The following TRAPPC9 variants were observed in gnomAD, a reference collection of about 807,000 sequenced individuals.
The protein encoded by TRAPPC9 is IKK2 binding protein.
A neutral mutation model predicts 124.0 loss-of-function variants in TRAPPC9; 83 were observed. The ratio of observed to expected loss-of-function variants is 0.67; its 90% confidence interval spans 0.56 to 0.80. The LOEUF is 0.80. Ranked by LOEUF, TRAPPC9 falls within the 30% of genes least tolerant of loss-of-function variation. The pLI, the probability that TRAPPC9 is intolerant of heterozygous loss-of-function variation, is 0.00. For missense variants in TRAPPC9, 1,302 were observed against 1,508.3 expected (o/e 0.86, Z 2.27); for synonymous variants, 638 against 617.5 (o/e 1.03, Z -0.49).
intron 19 of TRAPPC9, among the ~76,000 whole-genome samples, chr8:139,912,693 G>A (rs1367424432): frequency 1.3e-5 from 2 of 152,228 alleles, no homozygotes; most frequent in African/African-American, 4.8e-5. Context: ...CCACTTCACT[G>A]ATGTTTTAAT....
chr8:140,262,869 T>C (rs965738855), intron 15 of TRAPPC9: 2 of 152,304 alleles, frequency 1.3e-5, no homozygotes, highest in African/African-American at 4.8e-5. Flanking sequence ...TAATTAATTC[T>C]ACTTGAAGGG....
intron 21 of TRAPPC9, among the ~76,000 whole-genome samples, chr8:139,808,459 T>C (rs1426869605): frequency 6.6e-6 from 1 of 152,138 alleles, no homozygotes; most frequent in Non-Finnish European, 1.5e-5. Context: ...AGACTCCATT[T>C]CAAAAAAATA....
In TRAPPC9 at chr8:140,457,622, C is replaced by A. The variant is rs1485984638; in HGVS notation, c.-11+17G>T. 1 of 985,702 alleles carries A rather than the reference C, an allele frequency of 1.0e-6. No homozygotes were observed. Among genetic ancestry groups the A allele is most frequent in the African/African-American group, 1.7e-5 (1 of 57,242 alleles). The allele number at this position is 985,702 out of a possible 1,614,324, so 61.1% of individuals were successfully genotyped here. A position where few individuals can be genotyped will look rare whatever the true frequency, so the allele number is the denominator to read the frequency against. ...GTCCGAATTGCCTGACCGGGAGCCC[C>A]CCCGCTTTGCACTTACACAGCCGGT... On this transcript the variant is annotated intron_variant, in intron 1 of 22. Coordinates refer to ENST00000438773, the MANE Select transcript of TRAPPC9 (RefSeq NM_001160372.4).
chr8:139,978,901 TG>T (rs2131648040), intron 19 of TRAPPC9, among the ~76,000 whole-genome samples: 1 of 58,066 alleles, frequency 1.7e-5, no homozygotes, highest in Admixed American at 1.5e-4. Flanking sequence ...CAGAGCACTC[TG>T]GTTTTTTTTC....
At chr8:140,091,140 C>T (rs1211941717) in intron 17 of TRAPPC9, among the ~76,000 whole-genome samples, 6 of 152,140 alleles carry the variant, frequency 3.9e-5, no homozygotes, top group African/African-American at 9.7e-5. Flanking sequence ...CACAGTGAGA[C>T]GCAATAGCTC....
intron 17 of TRAPPC9, among the ~76,000 whole-genome samples, chr8:140,036,370 G>C (rs1365079031): frequency 6.6e-6 from 1 of 152,146 alleles, no homozygotes; most frequent in Non-Finnish European, 1.5e-5. Flanking sequence ...AGTGAACATT[G>C]ACGGTCAGGC....
chr8:140,351,466 G>A (rs2067574393), intron 9 of TRAPPC9, among the ~76,000 whole-genome samples: 1 of 151,954 alleles, frequency 6.6e-6, no homozygotes, highest in Admixed American at 6.5e-5. Context: ...GTAATCTAGA[G>A]ATGGCTTAAA....
At chr8:140,396,076 C>A (rs1179994938) in intron 7 of TRAPPC9, among the ~76,000 whole-genome samples, 1 of 151,992 alleles carries the variant, frequency 6.6e-6, no homozygotes, top group African/African-American at 2.4e-5. Context: ...GGGCCCCCTC[C>A]CTTCCTCTCC....
At chr8:140,013,237 C>T (rs928819798) in intron 18 of TRAPPC9, among the ~76,000 whole-genome samples, 4 of 152,098 alleles carry the variant, frequency 2.6e-5, no homozygotes, top group South Asian at 2.1e-4. Flanking sequence ...CCACTCGGAC[C>T]GTGACCCCGC....
intron 21 of TRAPPC9, among the ~76,000 whole-genome samples, chr8:139,873,356 T>G (rs1829124450): frequency 6.6e-6 from 1 of 152,166 alleles, no homozygotes; most frequent in South Asian, 2.1e-4. Context: ...CAGTAATAAG[T>G]GAACACTCAC....
intron 4 of TRAPPC9, among the ~76,000 whole-genome samples, chr8:140,430,149 A>G (rs2070585929): frequency 6.6e-6 from 1 of 151,546 alleles, no homozygotes; most frequent in Non-Finnish European, 1.5e-5. Flanking sequence ...TCCATCCCAA[A>G]AAAAAAAAAA....
chr8:140,129,005 T>TATATATATTAAA (rs1563783126), intron 17 of TRAPPC9, among the ~76,000 whole-genome samples: 21 of 134,748 alleles, frequency 1.6e-4, no homozygotes, highest in South Asian at 4.7e-4. Flanking sequence ...ATATATATAT[T>TATATATATTAAA]AAAAAAAAAA....
At chr8:139,809,823 C>T (rs1824315689) in intron 21 of TRAPPC9, among the ~76,000 whole-genome samples, 1 of 152,190 alleles carries the variant, frequency 6.6e-6, no homozygotes, top group Non-Finnish European at 1.5e-5. Context: ...TGCTGAGCCA[C>T]CAGATACCCC....
At position 139,788,642 on chromosome 8, in the gene TRAPPC9, C is replaced by T. The variant is rs1194390267; in HGVS notation, c.3056-56440G>A. ...CCCCGCCCCCGTGTGAGATGCTGGC[C>T]CTGGGCACACGCTTTGTTCTCCCAC... On this transcript the variant is annotated intron_variant, in intron 21 of 22. Transcript: ENST00000438773. The surrounding 1 kb of genome is among the most constrained non-coding windows in gnomAD (Gnocchi z 4.9). 6.6e-6 allele frequency among the ~76,000 whole-genome samples: 1 copy of T among 152,172 alleles called. No individual in the cohort carries two copies. Among genetic ancestry groups the T allele is most frequent in the Non-Finnish European group, 1.5e-5 (1 of 68,026 alleles).
rs71520259 is a variant in TRAPPC9, at chr8:140,179,993, A to ATTTTTTTTTT, written c.2556+41456_2556+41465dup. Among the ~76,000 whole-genome samples the ATTTTTTTTTT allele has an allele frequency of 1.6e-3, 141 of 90,020 alleles. 6 individuals carry two copies. The highest frequency in any genetic ancestry group is 8.2e-3 in the East Asian group (17 of 2,076). 59.1% of individuals were successfully genotyped at this position (90,020 alleles called of 152,430 possible). On this transcript the variant is annotated intron_variant, in intron 17 of 22. Coordinates refer to ENST00000438773, the MANE Select transcript of TRAPPC9 (RefSeq NM_001160372.4). ...ATAAACAATTTATAGTTATATCTTG[A>ATTTTTTTTTT]TTTTTTTTTTTTTTTTTTTTTGGCC...
intron 15 of TRAPPC9, among the ~76,000 whole-genome samples, chr8:140,261,236 C>A (rs2064400589): frequency 6.6e-6 from 1 of 152,240 alleles, no homozygotes; most frequent in East Asian, 1.9e-4. Context: ...CATTCTATTG[C>A]TGCCCATTTC....
chr8:140,081,812 G>A (rs1843837629), intron 17 of TRAPPC9, among the ~76,000 whole-genome samples: 1 of 152,204 alleles, frequency 6.6e-6, no homozygotes, highest in South Asian at 2.1e-4. Context: ...AGACAAGGCT[G>A]CCTTCCACCC....
chr8:139,945,245 C>T (rs190104976), intron 19 of TRAPPC9, among the ~76,000 whole-genome samples: 6 of 152,034 alleles, frequency 3.9e-5, no homozygotes, highest in Non-Finnish European at 8.8e-5. Flanking sequence ...TTGGAGTGAA[C>T]GGATTGCAAA....
intron 15 of TRAPPC9, among the ~76,000 whole-genome samples, chr8:140,272,115 C>CG (rs749093129): frequency 2.2e-4 from 18 of 82,768 alleles, no homozygotes; most frequent in African/African-American, 4.4e-4. Flanking sequence ...GTGGTGGTGG[C>CG]AATGGTGATG....
Sources: gnomAD v4.1 joint callset for allele counts (sites outside exome capture counted in the v4.1 genomes callset) on GRCh38, gnomAD v4.1.1 for gene constraint, Gnocchi (gnomAD v3.1) non-coding constraint, MANE v1.5 for transcripts, NCBI Gene and HGNC (gene_info 2026-07-23, HGNC 2026-07-21) for gene names.